LRFN5: variants seen among roughly 807,000 people sequenced by gnomAD.
LRFN5 encodes leucine rich repeat and fibronectin type III domain containing 5.
LRFN5 carries 24 observed loss-of-function variants against 45.6 expected under a neutral mutation model. The ratio of observed to expected loss-of-function variants is 0.53; its 90% CI spans 0.38 to 0.74. The LOEUF (loss-of-function observed/expected upper bound fraction) is 0.74, where lower values mean the gene tolerates loss of function less well. Among genes scored for constraint, LRFN5 ranks in the 30% least tolerant of loss-of-function variants. The pLI, the probability that LRFN5 is intolerant of heterozygous loss-of-function variation, is 0.00. For synonymous variants in LRFN5, 340 were observed against 313.8 expected (o/e 1.08, Z -0.88); for missense variants, 776 against 861.5 (o/e 0.90, Z 1.24).
In LRFN5 at chr14:41,671,617, G is replaced by GTTTTTTTTTTTTTTTTTTTTTT. The variant is rs914212982; in HGVS notation, c.-197+63075_-197+63076insTTTTTTTTTTTTTTTTTTTTTT. Among the ~76,000 whole-genome samples the GTTTTTTTTTTTTTTTTTTTTTT allele has an allele frequency of 4.7e-4, 37 of 78,026 alleles. 9 individuals are homozygous for GTTTTTTTTTTTTTTTTTTTTTT. The highest frequency in any genetic ancestry group is 1.8e-3 in the African/African-American group (34 of 18,600). 51.2% of individuals were successfully genotyped at this position (78,026 alleles called of 152,430 possible). On this transcript the variant is annotated intron_variant, in intron 1 of 5. Transcript: ENST00000298119. ...TGTGGAGGAGAGATTTTTTTTTTTC[G>GTTTTTTTTTTTTTTTTTTTTTT]TTTTTTTTTTTTTTTTTTTTACGGA...
chr14:41,825,404 AAGG>A (rs1323033188), intron 2 of LRFN5, among the ~76,000 whole-genome samples: 2 of 152,176 alleles, frequency 1.3e-5, no homozygotes, highest in Admixed American at 6.5e-5. Context: ...TCTCTGCTGG[AAGG>A]AGAACAGTCA....
At chr14:41,850,506 A>G (rs1889228035) in intron 2 of LRFN5, among the ~76,000 whole-genome samples, 1 of 151,930 alleles carries the variant, frequency 6.6e-6, no homozygotes, top group Admixed American at 6.6e-5. Context: ...TTATTAAAAT[A>G]TCATAGAACT....
intron 1 of LRFN5, among the ~76,000 whole-genome samples, chr14:41,652,979 C>T (rs1880202687): frequency 6.6e-6 from 1 of 152,238 alleles, no homozygotes; most frequent in African/African-American, 2.4e-5. Context: ...ACTGTCTGTT[C>T]ATGTCCTTTG....
At chr14:41,830,338 T>A (rs552554582) in intron 2 of LRFN5, among the ~76,000 whole-genome samples, 1 of 152,222 alleles carries the variant, frequency 6.6e-6, no homozygotes, top group Non-Finnish European at 1.5e-5. Flanking sequence ...GAATTCTAAC[T>A]TAGCTTTCAA....
At chr14:41,686,581 C>T (rs79792256) in intron 1 of LRFN5, among the ~76,000 whole-genome samples, 5,061 of 151,924 alleles carry the variant, frequency 0.033, 142 homozygotes, top group African/African-American at 0.085. Flanking sequence ...TTTGCCTATT[C>T]AATATGATAT....
chr14:41,891,200 ATG>A, intron 3 of LRFN5, 48 bp from the exon 4 acceptor site: 1 of 1,385,866 alleles, frequency 7.2e-7, no homozygotes, highest in Non-Finnish European at 1.0e-6. Context: ...CTTTCTGTGT[ATG>A]TGTTTTGTTT....
At chr14:41,687,947 T>G (rs984533117) in intron 1 of LRFN5, among the ~76,000 whole-genome samples, 2 of 152,028 alleles carry the variant, frequency 1.3e-5, no homozygotes, top group African/African-American at 4.8e-5. Context: ...AAGAAATAAA[T>G]AAAAACAATA....
intron 2 of LRFN5, among the ~76,000 whole-genome samples, chr14:41,781,107 T>C (rs1016768286): frequency 6.6e-6 from 1 of 152,192 alleles, no homozygotes; most frequent in African/African-American, 2.4e-5. Context: ...GAAAATATTT[T>C]ACCTTTACTT....
At chr14:41,837,928 G>C (rs1453324343) in intron 2 of LRFN5, among the ~76,000 whole-genome samples, 2 of 152,140 alleles carry the variant, frequency 1.3e-5, no homozygotes, top group African/African-American at 2.4e-5. Flanking sequence ...TAGGAATTGT[G>C]TGTGCTTTTG....
rs776944134 is a variant in LRFN5 at position 41,891,635 on chromosome 14, A to G, written c.1771A>G (p.Lys591Glu). The G allele has an allele frequency of 3.1e-6, 5 of 1,614,102 alleles. No individual in the cohort carries two copies. The highest frequency in any genetic ancestry group is 1.1e-5 in the South Asian group (1 of 91,094). ...TGTAACGCTGCCCCAGTCCGTGTCC[A>G]AACAAGCTGTGGGACACGAAGAGAA... is the stretch of plus-strand genomic sequence containing the variant. ...CSVTLPQSVSKQAVGHEENAQ... is the reference protein window; with the variant it reads ...CSVTLPQSVSEQAVGHEENAQ... The change falls in exon 4 of 6, where the codon AAA becomes GAA. Residue 591 changes from lysine (K) to glutamate (E), a missense_variant. Around this residue, in one of 2 missense-constraint regions of LRFN5, gnomAD observed 465 missense variants for 456.4 expected, o/e 1.02. Coordinates refer to ENST00000298119, the MANE Select transcript of LRFN5 (RefSeq NM_152447.5).
chr14:41,635,161 A>G (rs76811619), intron 1 of LRFN5, among the ~76,000 whole-genome samples: 6,162 of 152,178 alleles, frequency 0.04, 267 homozygotes, highest in African/African-American at 0.11. Context: ...ATTTATAGTG[A>G]ATCTGGAACA....
chr14:41,839,964 T>C (rs1888802713), intron 2 of LRFN5, among the ~76,000 whole-genome samples: 1 of 152,116 alleles, frequency 6.6e-6, no homozygotes, highest in Admixed American at 6.6e-5. Flanking sequence ...ATCCTGGCAT[T>C]CTGTTTCTTC....
intron 2 of LRFN5, among the ~76,000 whole-genome samples, chr14:41,789,842 A>T (rs1886855623): frequency 6.6e-6 from 1 of 151,890 alleles, no homozygotes; most frequent in Admixed American, 6.6e-5. Flanking sequence ...AGGATTTTTT[A>T]AATGTATTTT....
rs1344014224 is a variant in LRFN5, at chr14:41,607,635, C to A, written c.-1124C>A. ...TTAACTCGGCGATGCCCCTTCATGC[C>A]CGGGTTCTTGCAGAGCTCTGAGGAC... On this transcript the variant is annotated 5_prime_UTR_variant, in exon 1 of 6. Coordinates refer to ENST00000298119, the MANE Select transcript of LRFN5 (RefSeq NM_152447.5). 6.6e-6 allele frequency: 1 copy of A among 152,268 alleles called. No individual in the cohort carries two copies. Among genetic ancestry groups the A allele is most frequent in the African/African-American group, 2.4e-5 (1 of 41,434 alleles). The allele number at this position is 152,268 out of a possible 1,614,324, so 9.4% of individuals were successfully genotyped here. A position where few individuals can be genotyped will look rare whatever the true frequency, so the allele number is the denominator to read the frequency against.
chr14:41,642,388 T>G lies in LRFN5; in HGVS notation c.-197+33826T>G, dbSNP rs185904091. Among the ~76,000 whole-genome samples the G allele has an allele frequency of 2.6e-5, 4 of 152,284 alleles. No individual in the cohort carries two copies. The East Asian group carries it at 7.7e-4, about 29-fold the overall frequency. ...CACCTCAGCATTTCCATTTGGAAAA[T>G]AGTGATAACATTAGTCTTCTTCTAG... On this transcript the variant is annotated intron_variant, in intron 1 of 5. Transcript: ENST00000298119.
intron 2 of LRFN5, among the ~76,000 whole-genome samples, chr14:41,853,031 T>A (rs983678094): frequency 1.3e-5 from 2 of 152,032 alleles, no homozygotes; most frequent in Admixed American, 6.6e-5. Context: ...TAATGCAAAC[T>A]TAGTCTTAGA....
intron 2 of LRFN5, among the ~76,000 whole-genome samples, chr14:41,801,619 A>G (rs1016497202): frequency 1.3e-5 from 2 of 152,148 alleles, no homozygotes; most frequent in Admixed American, 6.6e-5. Context: ...TACAAGAAGG[A>G]TCCTTGAGGA....
chr14:41,725,997 T>C (rs1360343667), intron 1 of LRFN5, among the ~76,000 whole-genome samples: 2 of 152,144 alleles, frequency 1.3e-5, no homozygotes, highest in African/African-American at 4.8e-5. Context: ...ATCAGTTATT[T>C]ATTTGGTAGA....
intron 3 of LRFN5, among the ~76,000 whole-genome samples, chr14:41,890,198 C>G (rs952412331): frequency 6.6e-6 from 1 of 152,076 alleles, no homozygotes; most frequent in African/African-American, 2.4e-5. Context: ...GATTTAGGCA[C>G]TGTCTAAACT....
Sources: allele counts gnomAD v4.1 joint callset (sites outside exome capture counted in the v4.1 genomes callset), GRCh38; gene constraint gnomAD v4.1.1; regional missense constraint gnomAD v4.1.1; transcripts MANE v1.5; gene names NCBI Gene and HGNC (gene_info 2026-07-23, HGNC 2026-07-21).